FTSJ3: variants seen among roughly 807,000 people sequenced by gnomAD.
FTSJ3 encodes the protein pre-rRNA 2'-O-ribose RNA methyltransferase FTSJ3.
FTSJ3 carries 46 observed loss-of-function variants against 111.5 expected under a neutral mutation model. The ratio of observed to expected loss-of-function variants is 0.41; its 90% CI spans 0.33 to 0.53. The LOEUF (loss-of-function observed/expected upper bound fraction) is 0.53, where lower values mean the gene tolerates loss of function less well. FTSJ3 is among the 20% of genes least tolerant of loss of function. FTSJ3 has a pLI of 0.19. For missense variants in FTSJ3, 1,075 were observed against 1,063.8 expected (o/e 1.01, Z -0.15); for synonymous variants, 408 against 383.0 (o/e 1.07, Z -0.76).
rs1032134459 is a variant in FTSJ3, at chr17:63,826,204, A to G, written c.220+54T>C. 8 of 1,609,570 alleles carry G rather than the reference A, an allele frequency of 5.0e-6. No homozygotes were observed. In the African/African-American group the frequency reaches 1.1e-4, roughly 22 times the overall value. On this transcript the variant is annotated intron_variant, in intron 4 of 20. Transcript: ENST00000427159. ...CAGGGAGGAGAGAAATACAGGACAA[A>G]ATACCTTATACACCCACCCCTTAAA... is the stretch of plus-strand genomic sequence containing the variant.
intron 16 of FTSJ3, 24 bp from the exon 17 acceptor site, chr17:63,821,139 G>A (rs2144603324): frequency 6.2e-7 from 1 of 1,609,108 alleles, no homozygotes; most frequent in Non-Finnish European, 8.5e-7. Context: ...AGGACTCTGA[G>A]TGATTCCACC....
At chr17:63,822,302 G>T in intron 13 of FTSJ3, 134 bp from the exon 14 acceptor site, 2 of 724,432 alleles carry the variant, frequency 2.8e-6, no homozygotes, top group Non-Finnish European at 4.4e-6. Context: ...TTCACAGATG[G>T]GAAAGCTCAG....
chr17:63,824,470 T>G, intron 10 of FTSJ3, 59 bp from the exon 11 acceptor site: 1 of 1,580,008 alleles, frequency 6.3e-7, no homozygotes, highest in Non-Finnish European at 8.7e-7. Flanking sequence ...CGCCCCCTTC[T>G]GTTTTAGGCT....
At chr17:63,823,029 G>A (rs568034215) in intron 13 of FTSJ3, among the ~76,000 whole-genome samples, 2 of 152,252 alleles carry the variant, frequency 1.3e-5, no homozygotes, top group East Asian at 3.9e-4. Flanking sequence ...ATGCTCTACT[G>A]CCCTCCTGTA....
At position 63,826,139 on chromosome 17, in the gene FTSJ3, G is replaced by A; in HGVS notation, c.221-4C>T. The stretch of plus-strand genomic sequence containing the variant: ...TTGATTGGAACCAGGTCCACTCCTG[G>A]AAGAAATCAGGTCAGAGTATTCTAA... On this transcript the variant is annotated splice_region_variant and splice_polypyrimidine_tract_variant and intron_variant, in intron 4 of 20. Transcript: ENST00000427159. The A allele has an allele frequency of 6.2e-7, 1 of 1,613,864 alleles. No individual in the cohort carries two copies. The highest frequency in any genetic ancestry group is 8.5e-7 in the Non-Finnish European group (1 of 1,179,754).
chr17:63,820,387 C>G lies in FTSJ3; in HGVS notation c.2124G>C (p.Glu708Asp), dbSNP rs2040037856. 1 of 1,614,124 alleles carries G rather than the reference C, an allele frequency of 6.2e-7. No homozygotes were observed. Among genetic ancestry groups the G allele is most frequent in the Non-Finnish European group, 8.5e-7 (1 of 1,180,036 alleles). Residue 708 changes from glutamate to aspartate, a missense_variant, in exon 19 of 21, where the codon GAG becomes GAC. By Grantham distance (45) the Glu-to-Asp change is conservative. This residue lies in a region of FTSJ3 where 867 missense variants were observed against 796.9 expected (regional missense o/e 1.09). Coordinates refer to ENST00000427159, the MANE Select transcript of FTSJ3 (RefSeq NM_017647.4). ...ACTGTCGTATCCGGTGCTGCTTTTC[C>G]TCTTGCACAAACCACTCCGGAAGCT... ...EGELPEWFVQ[E>D]EKQHRIRQLP...
rs1259924417 is a variant in FTSJ3 at position 63,821,557 on chromosome 17, T to G, written c.1683A>C (p.Gly561=). ...GCTGCTGCTTCTGCTGCTGCTGCCG[T>G]CCCTTCCGCCGGTTCTCAAATAACA... ...AQLLFENRRK[G]RQQQQKQQLP... is the part of the protein sequence containing the mutation. The change falls in exon 16 of 21, where the codon GGA becomes GGC. Residue 561 remains glycine (G), a synonymous_variant. Coordinates refer to ENST00000427159, the MANE Select transcript of FTSJ3 (RefSeq NM_017647.4). 5.6e-6 allele frequency: 9 copies of G among 1,613,960 alleles called. No homozygotes were observed. Among genetic ancestry groups the G allele is most frequent in the Non-Finnish European group, 7.6e-6 (9 of 1,180,018 alleles).
rs2040036910 is a variant in FTSJ3 at position 63,820,318 on chromosome 17, C to A, written c.2193G>T (p.Trp731Cys). Residue 731 changes from tryptophan (W) to cysteine (C), a missense_variant, in exon 19 of 21, where the codon TGG becomes TGT. Trp to Cys is a radical substitution (Grantham distance 215). Transcript: ENST00000427159. ...TGATGGGACGTGCATTGATTTCCCG[C>A]CAGCGTTTCCGGTAATGCTCCACCT... ...KKEVEHYRKR[W>C]REINARPIKK... The A allele has an allele frequency of 1.9e-6, 3 of 1,613,650 alleles. No individual in the cohort carries two copies. Among genetic ancestry groups the A allele is most frequent in the South Asian group, 1.1e-5 (1 of 91,066 alleles).
At position 63,821,765 on chromosome 17, in the gene FTSJ3, C is replaced by G. The variant is rs765397726; in HGVS notation, c.1554G>C (p.Lys518Asn). ...TGGCTTGTTCTTCCTGCAGTACTGC[C>G]TTTTCCTCCAGTGGTACCAGCAGTG... is the stretch of plus-strand genomic sequence containing the variant. Reference protein sequence around the residue: ...ENPLLVPLEEKAVLQEEQANL... With the variant: ...ENPLLVPLEENAVLQEEQANL... Residue 518 changes from lysine to asparagine, a missense_variant, in exon 15 of 21, where the codon AAG becomes AAC. Lys to Asn is a moderately conservative substitution (Grantham distance 94). Around this residue, in one of 2 missense-constraint regions of FTSJ3, gnomAD observed 867 missense variants for 796.9 expected, o/e 1.09. Coordinates refer to ENST00000427159, the MANE Select transcript of FTSJ3 (RefSeq NM_017647.4). 2.5e-6 allele frequency: 4 copies of G among 1,614,188 alleles called. No homozygotes were observed. Among genetic ancestry groups the G allele is most frequent in the Admixed American group, 3.3e-5 (2 of 60,028 alleles).
rs147542797 is a variant in FTSJ3 at position 63,821,340 on chromosome 17, C to G, written c.1886+14G>C. ...GCTTCCTTTCCATCCCTTCTCTCAG[C>G]TGCAACTACTCACCTCTCTTCTTCC... On this transcript the variant is annotated intron_variant, in intron 16 of 20. Transcript: ENST00000427159. 333 of 1,591,830 alleles carry G rather than the reference C, an allele frequency of 2.1e-4. 3 individuals carry two copies. In the African/African-American group the frequency reaches 4.3e-3, roughly 20 times the overall value.
Position 63,827,617 on chromosome 17 carries a change from G to A in FTSJ3, c.-592C>T. The A allele has an allele frequency of 2.6e-6, 4 of 1,547,932 alleles. No homozygotes were observed. On this transcript the variant is annotated 5_prime_UTR_variant, in exon 1 of 21. Coordinates refer to ENST00000427159, the MANE Select transcript of FTSJ3 (RefSeq NM_017647.4). ...CGGGGCAGGAGCGTCGGGTGGGTCGGAGGTGCCTGGACCAGTCCATGCTGG... is the reference window on the plus strand; with the variant it reads ...CGGGGCAGGAGCGTCGGGTGGGTCGAAGGTGCCTGGACCAGTCCATGCTGG...
In FTSJ3 at chr17:63,821,811, T is replaced by C. The variant is rs780372823; in HGVS notation, c.1508A>G (p.Glu503Gly). 5.0e-6 allele frequency: 8 copies of C among 1,613,934 alleles called. No individual in the cohort carries two copies. The highest frequency in any genetic ancestry group is 6.8e-6 in the Non-Finnish European group (8 of 1,180,034). Reference protein sequence around the residue: ...MRLTEVQDDKEEEEEENPLLV... With the variant: ...MRLTEVQDDKGEEEEENPLLV... ...CAGTGGATTCTCCTCCTCCTCCTCC[T>C]CTTTATCATCTTGCACTTCAGTAAG... Residue 503 changes from glutamate to glycine, a missense_variant, in exon 15 of 21, where the codon GAG (glutamate) becomes GGG (glycine). Around this residue, in one of 2 missense-constraint regions of FTSJ3, gnomAD observed 867 missense variants for 796.9 expected, o/e 1.09. Transcript: ENST00000427159.
At position 63,827,524 on chromosome 17, in the gene FTSJ3, G is replaced by A; in HGVS notation, c.-499C>T. ...TGACGGACCAGAGCAGGTATGGCGG[G>A]TGCAGTGGCGGCCCGGCAGGTTACG... On this transcript the variant is annotated 5_prime_UTR_variant, in exon 1 of 21. Coordinates refer to ENST00000427159, the MANE Select transcript of FTSJ3 (RefSeq NM_017647.4). 1 of 1,551,542 alleles carries A rather than the reference G, an allele frequency of 6.4e-7. No homozygotes were observed. The highest frequency in any genetic ancestry group is 2.4e-5 in the East Asian group (1 of 40,914).
Position 63,827,473 on chromosome 17 carries a change from C to T in FTSJ3, c.-448G>A. On this transcript the variant is annotated 5_prime_UTR_variant, in exon 1 of 21. Coordinates refer to ENST00000427159, the MANE Select transcript of FTSJ3 (RefSeq NM_017647.4). ...CCAAGACGGCTCGGATGCCGGCGGTCTCTGCTGAAGAGAGAAGATGGCGCT... is the reference window on the plus strand; with the variant it reads ...CCAAGACGGCTCGGATGCCGGCGGTTTCTGCTGAAGAGAGAAGATGGCGCT... The T allele has an allele frequency of 6.4e-7, 1 of 1,551,740 alleles. No homozygotes were observed.
chr17:63,819,442 C>T lies in FTSJ3; in HGVS notation c.*360G>A, dbSNP rs971214374. 6.2e-5 allele frequency: 13 copies of T among 210,966 alleles called. No individual in the cohort carries two copies. Among genetic ancestry groups the T allele is most frequent in the Non-Finnish European group, 1.0e-4 (11 of 104,892 alleles). The allele number at this position is 210,966 out of a possible 1,614,324, so 13.1% of individuals were successfully genotyped here. On this transcript the variant is annotated 3_prime_UTR_variant, in exon 21 of 21. Coordinates refer to ENST00000427159, the MANE Select transcript of FTSJ3 (RefSeq NM_017647.4). The stretch of plus-strand genomic sequence containing the variant: ...TCAGAAAAGACAACTCTTCCATTAT[C>T]CTGGTTTTATTCAGGAATAGGATGG...
At chr17:63,820,015 G>C in intron 20 of FTSJ3, 21 bp from the exon 21 acceptor site, 1 of 1,613,992 alleles carries the variant, frequency 6.2e-7, no homozygotes, top group Non-Finnish European at 8.5e-7. Context: ...GAAGAGAAGA[G>C]GTTAGAGGCT....
At chr17:63,826,469 G>C in intron 3 of FTSJ3, 98 bp downstream of exon 3, 1 of 1,226,240 alleles carries the variant, frequency 8.2e-7, no homozygotes, top group Non-Finnish European at 1.2e-6. Flanking sequence ...CAAGAGGACC[G>C]GGATTCGGGT....
Position 63,824,379 on chromosome 17 carries a change from C to G in FTSJ3, c.950G>C (p.Arg317Pro). The change falls in exon 11 of 21, where the codon CGA becomes CCA. Residue 317 changes from arginine (R) to proline (P), a missense_variant. Around this residue, in one of 2 missense-constraint regions of FTSJ3, gnomAD observed 867 missense variants for 796.9 expected, o/e 1.09. Coordinates refer to ENST00000427159, the MANE Select transcript of FTSJ3 (RefSeq NM_017647.4). ...TTCTTTCAGCTTCTTGGCCACATAT[C>G]GCCGAAGTTTTGTTCTCCAGTTTAG... ...SLLNWRTKLR[R>P]YVAKKLKEQA... 6.2e-7 allele frequency: 1 copy of G among 1,614,172 alleles called. No individual in the cohort carries two copies. The highest frequency in any genetic ancestry group is 8.5e-7 in the Non-Finnish European group (1 of 1,180,036).
rs200266128 is a variant in FTSJ3 at position 63,821,123 on chromosome 17, G to A, written c.1887-8C>T. 2.9e-5 allele frequency: 47 copies of A among 1,613,714 alleles called. No individual in the cohort carries two copies. Among genetic ancestry groups the A allele is most frequent in the Middle Eastern group, 1.7e-4 (1 of 5,960 alleles). On this transcript the variant is annotated splice_polypyrimidine_tract_variant and splice_region_variant and intron_variant, in intron 16 of 20. Coordinates refer to ENST00000427159, the MANE Select transcript of FTSJ3 (RefSeq NM_017647.4). ...CCACGGAGGGGTTCCCAGCTGTGAAGAGGGGAGGACTCTGAGTGATTCCAC... is the reference window on the plus strand; with the variant it reads ...CCACGGAGGGGTTCCCAGCTGTGAAAAGGGGAGGACTCTGAGTGATTCCAC...
Sources: allele counts gnomAD v4.1 joint callset (sites outside exome capture counted in the v4.1 genomes callset), GRCh38; gene constraint gnomAD v4.1.1; regional missense constraint gnomAD v4.1.1; transcripts MANE v1.5; gene names NCBI Gene and HGNC (gene_info 2026-07-23, HGNC 2026-07-21).